The following DENND4C variants were observed in gnomAD, a reference collection of about 807,000 sequenced individuals.
DENND4C encodes DENN domain-containing protein 4C.
Under a neutral mutation model 203.0 loss-of-function variants are expected in DENND4C, and 108 were observed. The observed-to-expected ratio is 0.53, with a 90% CI of 0.46 to 0.62. The LOEUF is 0.62. DENND4C is among the 20% of genes least tolerant of loss of function. The pLI is 0.00. For missense variants in DENND4C, 2,481 were observed against 2,301.2 expected, an observed-to-expected ratio of 1.08 and a Z score of -1.60; for synonymous variants, 871 against 792.4, an observed-to-expected ratio of 1.10 and a Z score of -1.67.
rs761500399 is a variant in DENND4C, at chr9:19,314,645, T to TA, written c.1488-1771dup. Among the ~76,000 whole-genome samples, 40 of 151,366 alleles carry TA rather than the reference T, an allele frequency of 2.6e-4. No individual in the cohort carries two copies. The East Asian group carries it at 4.3e-3, about 16-fold the overall frequency. ...AGATTCCAAAATGCAATGACTTGCT[T>TA]AGAAAAAAAAACTGCATGTGAACTG... On this transcript the variant is annotated intron_variant, in intron 10 of 32. Coordinates refer to ENST00000434457, the MANE Select transcript of DENND4C (RefSeq NM_001330640.2).
At chr9:19,302,639 G>GATA (rs1457338891) in intron 9 of DENND4C, among the ~76,000 whole-genome samples, 2 of 152,172 alleles carry the variant, frequency 1.3e-5, no homozygotes, top group Non-Finnish European at 2.9e-5. Flanking sequence ...TTGAATAGAA[G>GATA]ATAATTGTCA....
intron 1 of DENND4C, among the ~76,000 whole-genome samples, chr9:19,261,072 T>C (rs1166245198): frequency 6.6e-6 from 1 of 152,184 alleles, no homozygotes; most frequent in East Asian, 1.9e-4. Flanking sequence ...TTCCTTCTTC[T>C]GCATATTGAT....
chr9:19,250,047 C>T (rs1416635575), intron 1 of DENND4C, among the ~76,000 whole-genome samples: 1 of 152,100 alleles, frequency 6.6e-6, no homozygotes, highest in Admixed American at 6.6e-5. Flanking sequence ...ACCTGTAATC[C>T]AGTGCTTTAG....
intron 1 of DENND4C, among the ~76,000 whole-genome samples, chr9:19,246,297 G>A (rs1301946493): frequency 6.6e-6 from 1 of 152,108 alleles, no homozygotes; most frequent in Non-Finnish European, 1.5e-5. Flanking sequence ...AAATACGCTA[G>A]CTCGTCTCAC....
chr9:19,363,678 A>G (rs945883358), intron 30 of DENND4C, among the ~76,000 whole-genome samples: 12 of 152,050 alleles, frequency 7.9e-5, no homozygotes, highest in African/African-American at 2.2e-4. Flanking sequence ...AAGCTCAATC[A>G]TACTAGTATT....
chr9:19,330,917 A>T (rs1382717477), intron 16 of DENND4C, among the ~76,000 whole-genome samples: 2 of 151,480 alleles, frequency 1.3e-5, no homozygotes, highest in African/African-American at 4.8e-5. Flanking sequence ...TTAGCTGGGC[A>T]TGGTGGTGGG....
intron 1 of DENND4C, among the ~76,000 whole-genome samples, chr9:19,234,539 T>TTG (rs1554706158): frequency 1.1e-4 from 17 of 149,278 alleles, no homozygotes; most frequent in South Asian, 2.2e-4. Flanking sequence ...TGTTTTTTTT[T>TTG]TTTTTTTTTT....
At chr9:19,355,132 G>C (rs757522852) in intron 26 of DENND4C, among the ~76,000 whole-genome samples, 1 of 150,874 alleles carries the variant, frequency 6.6e-6, no homozygotes, top group African/African-American at 2.4e-5. Flanking sequence ...GGATGGTCTC[G>C]ATCTCATGAC....
At chr9:19,371,172 TAAC>T (rs1453488390) in intron 31 of DENND4C, among the ~76,000 whole-genome samples, 2 of 152,234 alleles carry the variant, frequency 1.3e-5, no homozygotes, top group Non-Finnish European at 2.9e-5. Context: ...CTGTCATCTT[TAAC>T]AACTGAGTCA....
intron 10 of DENND4C, among the ~76,000 whole-genome samples, chr9:19,308,365 A>G (rs1270990221): frequency 6.6e-6 from 1 of 152,114 alleles, no homozygotes; most frequent in Admixed American, 6.5e-5. Flanking sequence ...TTTTTTACCA[A>G]TTTGATGGTA....
intron 20 of DENND4C, among the ~76,000 whole-genome samples, chr9:19,339,538 A>G (rs1413658162): frequency 6.6e-6 from 1 of 152,308 alleles, no homozygotes; most frequent in African/African-American, 2.4e-5. Context: ...GTCACGTCCT[A>G]CAGGCACACA....
chr9:19,363,554 C>T (rs1281046805), intron 30 of DENND4C, among the ~76,000 whole-genome samples: 1 of 151,844 alleles, frequency 6.6e-6, no homozygotes, highest in East Asian at 1.9e-4. Context: ...CTCATGTAAC[C>T]TTAATTATTT....
chr9:19,336,321 T>C lies in DENND4C; in HGVS notation c.2641T>C (p.Trp881Arg), dbSNP rs745310322. ...PSSTRSGIFL[W>R]TKVRNVVRGL... ...CAGTACCCGCAGTGGTATTTTCTTA[T>C]GGACGAAGGTACGGAATGTGGTACG... The change falls in exon 19 of 33, where the codon TGG becomes CGG. Residue 881 changes from tryptophan to arginine, a missense_variant. Coordinates refer to ENST00000434457, the MANE Select transcript of DENND4C (RefSeq NM_001330640.2). 5.0e-6 allele frequency: 8 copies of C among 1,614,090 alleles called. No homozygotes were observed. The highest frequency in any genetic ancestry group is 3.3e-5 in the South Asian group (3 of 91,072).
intron 1 of DENND4C, among the ~76,000 whole-genome samples, chr9:19,234,665 C>T (rs1385153399): frequency 2.0e-5 from 3 of 151,166 alleles, no homozygotes; most frequent in African/African-American, 7.3e-5. Context: ...ATAGCTGGGA[C>T]TATAGGTGCG....
At chr9:19,245,010 C>T (rs1049447603) in intron 1 of DENND4C, among the ~76,000 whole-genome samples, 4 of 152,146 alleles carry the variant, frequency 2.6e-5, no homozygotes, top group Admixed American at 6.5e-5. Context: ...GTTTGCAGAT[C>T]GCAGGTTTCT....
intron 4 of DENND4C, 148 bp from the exon 5 acceptor site, chr9:19,290,555 CT>C: frequency 2.0e-6 from 1 of 506,054 alleles, no homozygotes; most frequent in Non-Finnish European, 3.2e-6. Context: ...ATTTTAGTTT[CT>C]GTTATAGCAA....
At chr9:19,268,409 A>AT (rs1325490176) in intron 1 of DENND4C, among the ~76,000 whole-genome samples, 1 of 152,082 alleles carries the variant, frequency 6.6e-6, no homozygotes, top group East Asian at 1.9e-4. Context: ...TGTAGTTATT[A>AT]TTTTTGATAG....
chr9:19,332,926 TG>T (rs1256667361), intron 17 of DENND4C, among the ~76,000 whole-genome samples: 6 of 150,930 alleles, frequency 4.0e-5, no homozygotes, highest in African/African-American at 1.5e-4. Context: ...ATAACTTTAT[TG>T]GGGAGCAGAT....
At chr9:19,275,821 G>C (rs1283753609) in intron 1 of DENND4C, among the ~76,000 whole-genome samples, 1 of 152,134 alleles carries the variant, frequency 6.6e-6, no homozygotes, top group Non-Finnish European at 1.5e-5. Flanking sequence ...TGGGCACACT[G>C]GTCGCGAACT....
Sources: allele counts gnomAD v4.1 joint callset (sites outside exome capture counted in the v4.1 genomes callset), GRCh38; gene constraint gnomAD v4.1.1; transcripts MANE v1.5; gene names NCBI Gene and HGNC (gene_info 2026-07-23, HGNC 2026-07-21).